Variants in C11orf65 observed in about 807,000 individuals in gnomAD.
C11orf65 encodes chromosome 11 open reading frame 65, also known as protein MFI.
Under a neutral mutation model 35.3 loss-of-function variants are expected in C11orf65, and 38 were observed. The observed-to-expected ratio is 1.08, with a 90% confidence interval of 0.83 to 1.41. C11orf65 has a LOEUF of 1.41. Among genes scored for constraint, C11orf65 ranks in the 40% most tolerant of loss-of-function variants. C11orf65 has a pLI of 0.00. For synonymous variants in C11orf65, 105 were observed against 114.4 expected, an observed-to-expected ratio of 0.92 and a Z score of 0.53; for missense variants, 370 against 367.1, an observed-to-expected ratio of 1.01 and a Z score of -0.06.
downstream of C11orf65, chr11:108,329,140 C>T (rs373662499): frequency 2.5e-6 from 4 of 1,613,932 alleles, no homozygotes; most frequent in Admixed American, 3.3e-5. Flanking sequence ...GAATTGAAAA[C>T]TACATGAAAT....
At position 108,336,181 on chromosome 11, in the gene C11orf65, T is replaced by C. The variant is rs560309780; in HGVS notation, c.227-889A>G. On this transcript the variant is annotated intron_variant, in intron 2 of 3. Transcript: ENST00000524755. ...AGCCAGAGATGATGGCATGTGCTTG[T>C]AGTCCCTTAGCTACATGGGAGGCTG... is the stretch of plus-strand genomic sequence containing the variant. The C allele has an allele frequency of 2.5e-4, 116 of 455,252 alleles. 1 individual carries two copies. The highest frequency in any genetic ancestry group is 2.4e-3 in the South Asian group (115 of 46,990). The allele number at this position is 455,252 out of a possible 1,614,324, so 28.2% of individuals were successfully genotyped here.
In C11orf65 at chr11:108,365,730, C is replaced by T. The variant is rs760852487; in HGVS notation, c.226+27478G>A. 3.5e-5 allele frequency: 22 copies of T among 625,670 alleles called. No homozygotes were observed. Among genetic ancestry groups the T allele is most frequent in the Non-Finnish European group, 4.2e-5 (16 of 377,068 alleles). 38.8% of individuals were successfully genotyped at this position (625,670 alleles called of 1,614,324 possible). A position where few individuals can be genotyped will look rare whatever the true frequency, so the allele number is the denominator to read the frequency against. On this transcript the variant is annotated intron_variant, in intron 2 of 3. Transcript: ENST00000524755. ...TCACTCTTTAGAAATAATGGTCATT[C>T]GGGCTGGGCGCAGCGGCTCACGCCT...
At chr11:108,320,073 C>T in intron 6 of C11orf65, 1 of 1,531,016 alleles carries the variant, frequency 6.5e-7, no homozygotes, top group Non-Finnish European at 9.1e-7. Context: ...TATGAAAAGA[C>T]AAAGTTACTG....
intron 3 of C11orf65, among the ~76,000 whole-genome samples, chr11:108,422,567 G>A (rs1473288913): frequency 6.6e-6 from 1 of 152,096 alleles, no homozygotes; most frequent in African/African-American, 2.4e-5. Flanking sequence ...TTAATCACTT[G>A]GATATCTGTA....
chr11:108,369,641 C>T (rs1460861189), intron 2 of C11orf65, among the ~76,000 whole-genome samples: 8 of 152,142 alleles, frequency 5.3e-5, no homozygotes, highest in Non-Finnish European at 1.2e-4. Flanking sequence ...ACATTATCCT[C>T]TGAAAAATCC....
chr11:108,413,397 G>C (rs1241309950), intron 3 of C11orf65, among the ~76,000 whole-genome samples: 1 of 152,086 alleles, frequency 6.6e-6, no homozygotes, highest in Non-Finnish European at 1.5e-5. Context: ...CTACGTTCAT[G>C]TGTATACATT....
rs530126562 is a variant in C11orf65, at chr11:108,450,708, G to A, written c.81+10771C>T. Among the ~76,000 whole-genome samples, 142 of 150,838 alleles carry A rather than the reference G, an allele frequency of 9.4e-4. 1 individual carries two copies. The highest frequency in any genetic ancestry group is 3.2e-3 in the African/African-American group (132 of 40,810). On this transcript the variant is annotated intron_variant, in intron 2 of 8. Transcript: ENST00000393084. ...GTTAATGGGTGCAGTACACCAACAC[G>A]GCACATGTATACATATGTAAGAAAC...
intron 2 of C11orf65, among the ~76,000 whole-genome samples, chr11:108,339,071 A>G (rs1345851983): frequency 6.6e-6 from 1 of 152,218 alleles, no homozygotes; most frequent in Non-Finnish European, 1.5e-5. Flanking sequence ...CATGCCAGAT[A>G]TCTCTTGTCA....
rs182592298 is a variant in C11orf65 at position 108,342,426 on chromosome 11, T to C, written c.227-7134A>G. Among the ~76,000 whole-genome samples the C allele has an allele frequency of 1.6e-3, 241 of 152,284 alleles. 1 individual carries two copies. The highest frequency in any genetic ancestry group is 2.1e-3 in the Non-Finnish European group (143 of 68,022). On this transcript the variant is annotated intron_variant, in intron 2 of 3. Transcript: ENST00000524755. ...CCAAATTACAGAAATATACATATAG[T>C]ATCCTAATTTTTTTACTTAATACTT...
At chr11:108,430,750 CAGG>C (rs2092975483) in intron 3 of C11orf65, among the ~76,000 whole-genome samples, 1 of 151,882 alleles carries the variant, frequency 6.6e-6, no homozygotes, top group South Asian at 2.1e-4. Context: ...GGGGCTGAAG[CAGG>C]AGGATTGCTT....
downstream of C11orf65, chr11:108,327,834 T>C (rs2136383025): frequency 2.7e-6 from 3 of 1,122,728 alleles, no homozygotes; most frequent in African/African-American, 1.6e-5. Context: ...GATCAATATA[T>C]TTCCAAAGCA....
chr11:108,376,266 A>T (rs1447746011), intron 2 of C11orf65, among the ~76,000 whole-genome samples: 1 of 151,944 alleles, frequency 6.6e-6, no homozygotes, highest in Non-Finnish European at 1.5e-5. Context: ...AAGAACAGAA[A>T]TTATAACAAA....
At chr11:108,337,817 A>C (rs934208936) in intron 2 of C11orf65, among the ~76,000 whole-genome samples, 8 of 152,248 alleles carry the variant, frequency 5.3e-5, no homozygotes, top group African/African-American at 1.9e-4. Flanking sequence ...TAATAGGTGA[A>C]GAATTGGGTT....
rs2137289494 is a variant in C11orf65, at chr11:108,353,808, C to T, written c.227-18516G>A. ...GGCAAAATCCTTCCTACTCCTGAGACAGTTCCTTTTAGACTCACCAGAGAT... is the reference window on the plus strand; with the variant it reads ...GGCAAAATCCTTCCTACTCCTGAGATAGTTCCTTTTAGACTCACCAGAGAT... On this transcript the variant is annotated intron_variant, in intron 2 of 3. Coordinates refer to the C11orf65 transcript ENST00000524755. The T allele has an allele frequency of 6.2e-7, 1 of 1,614,096 alleles. No homozygotes were observed. Among genetic ancestry groups the T allele is most frequent in the Non-Finnish European group, 8.5e-7 (1 of 1,179,992 alleles).
chr11:108,416,906 G>A lies in C11orf65; in HGVS notation c.175-9757C>T, dbSNP rs143104885. ...CAATAGAGAATTTAAAAGAACAACA[G>A]CAAGAATATAAGTCAAAGGGGATAA... On this transcript the variant is annotated intron_variant, in intron 3 of 8. Coordinates refer to ENST00000393084, the MANE Select transcript of C11orf65 (RefSeq NM_152587.5). Among the ~76,000 whole-genome samples the A allele has an allele frequency of 3.9e-3, 592 of 152,242 alleles. 1 individual carries two copies. The highest frequency in any genetic ancestry group is 0.013 in the African/African-American group (557 of 41,548).
chr11:108,403,420 G>GTTT (rs869122131), intron 6 of C11orf65, among the ~76,000 whole-genome samples: 4 of 119,714 alleles, frequency 3.3e-5, no homozygotes, highest in Admixed American at 9.1e-5. Context: ...TTTTTTTTTT[G>GTTT]TTTTTTTTTT....
At chr11:108,404,173 T>C (rs958524776) in intron 6 of C11orf65, among the ~76,000 whole-genome samples, 3 of 152,152 alleles carry the variant, frequency 2.0e-5, no homozygotes, top group African/African-American at 4.8e-5. Flanking sequence ...TCAGGCACAA[T>C]ATACAACCAG....
chr11:108,436,347 A>AT (rs56995066), intron 2 of C11orf65, among the ~76,000 whole-genome samples: 8,690 of 152,226 alleles, frequency 0.057, 804 homozygotes, highest in African/African-American at 0.19. Context: ...TTACAGTAGC[A>AT]TTAGGAAATT....
chr11:108,447,806 G>C (rs1174605858), intron 2 of C11orf65, among the ~76,000 whole-genome samples: 2 of 152,096 alleles, frequency 1.3e-5, no homozygotes, highest in South Asian at 4.1e-4. Context: ...GAAGGAAATA[G>C]AGACACAAAA....
Sources: allele counts gnomAD v4.1 joint callset (sites outside exome capture counted in the v4.1 genomes callset), GRCh38; gene constraint gnomAD v4.1.1; transcripts MANE v1.5; gene names NCBI Gene and HGNC (gene_info 2026-07-23, HGNC 2026-07-21).